Variants in OTOGL observed in about 807,000 individuals in gnomAD.
OTOGL encodes otogelin-like protein.
A neutral mutation model predicts 318.5 loss-of-function variants in OTOGL; 285 were observed. The observed-to-expected ratio is 0.89, with a 90% CI of 0.81 to 0.99. The LOEUF (loss-of-function observed/expected upper bound fraction) is 0.99. Ranked by LOEUF, OTOGL falls within the 50% of genes least tolerant of loss-of-function variation. The probability of loss-of-function intolerance (pLI) is 0.00; values close to 1 mark genes in which losing one functional copy is unlikely to be tolerated. For missense variants in OTOGL, 2,899 were observed against 2,845.6 expected, an observed-to-expected ratio of 1.02 and a Z score of -0.43; for synonymous variants, 987 against 936.5, an observed-to-expected ratio of 1.05 and a Z score of -0.99.
chr12:80,103,086 TC>T, intron 1 of OTOGL: 1 of 1,131,874 alleles, frequency 8.8e-7, no homozygotes, highest in Non-Finnish European at 1.3e-6. Context: ...CTGCACCCAT[TC>T]AATGTAGATA....
intron 26 of OTOGL, among the ~76,000 whole-genome samples, chr12:80,296,223 C>T (rs547972845): frequency 3.3e-4 from 51 of 152,294 alleles, no homozygotes; most frequent in African/African-American, 1.1e-3. Flanking sequence ...ATTAACAAAG[C>T]GACCTTAGAT....
chr12:80,264,145 A>C (rs1343575660), intron 19 of OTOGL, among the ~76,000 whole-genome samples: 2 of 152,152 alleles, frequency 1.3e-5, no homozygotes, highest in Non-Finnish European at 2.9e-5. Context: ...AAGATTGATT[A>C]ATTTTATCTG....
At chr12:80,364,218 C>G (rs1022699794) in intron 52 of OTOGL, among the ~76,000 whole-genome samples, 1 of 152,110 alleles carries the variant, frequency 6.6e-6, no homozygotes, top group African/African-American at 2.4e-5. Flanking sequence ...CTAGTTTTAA[C>G]ATTCGTGGCT....
rs1323469368 is a variant in OTOGL, at chr12:80,328,645, A to G, written c.4200-20A>G. ...TTCAAACTTTTCTTCACTTTGATTT[A>G]CTCTTTTTTCCATGTAAAGGGTTGA... On this transcript the variant is annotated intron_variant, in intron 35 of 58. Coordinates refer to ENST00000547103, the MANE Select transcript of OTOGL (RefSeq NM_001378609.3). 1.3e-6 allele frequency: 2 copies of G among 1,525,412 alleles called. No individual in the cohort carries two copies. Among genetic ancestry groups the G allele is most frequent in the Non-Finnish European group, 1.8e-6 (2 of 1,110,076 alleles). The allele number at this position is 1,525,412 out of a possible 1,614,324, so 94.5% of individuals were successfully genotyped here.
chr12:80,267,474 C>T lies in OTOGL; in HGVS notation c.2465+147C>T, dbSNP rs755309314. 353 of 253,210 alleles carry T rather than the reference C, an allele frequency of 1.4e-3. 5 individuals carry two copies. Among genetic ancestry groups the T allele is most frequent in the Non-Finnish European group, 2.1e-3 (308 of 149,062 alleles). 15.7% of individuals were successfully genotyped at this position (253,210 alleles called of 1,614,324 possible). A position where few individuals can be genotyped will look rare whatever the true frequency, so the allele number is the denominator to read the frequency against. Reference sequence around the variant, plus strand: ...CGTGCAGGTTTGTTACGTATGTATACATGTGTGCCATGTTGGTGTGCTGCA... The same window carrying T: ...CGTGCAGGTTTGTTACGTATGTATATATGTGTGCCATGTTGGTGTGCTGCA... On this transcript the variant is annotated intron_variant, in intron 22 of 58. Transcript: ENST00000547103.
At chr12:80,258,580 C>T (rs373686448) in intron 18 of OTOGL, among the ~76,000 whole-genome samples, 11 of 152,086 alleles carry the variant, frequency 7.2e-5, no homozygotes, top group African/African-American at 1.4e-4. Flanking sequence ...TTTTCACCTA[C>T]GTGTGAAAAG....
At chr12:80,318,753 CATTTTAAA>C (rs1476327856) in intron 33 of OTOGL, 40 bp downstream of exon 33, 1 of 1,172,440 alleles carries the variant, frequency 8.5e-7, no homozygotes, top group East Asian at 3.2e-5. Flanking sequence ...TTTCCAATTA[CATTTTAAA>C]ATTTAGCCAC....
chr12:80,265,439 G>GT, intron 20 of OTOGL: 1 of 532,382 alleles, frequency 1.9e-6, no homozygotes, highest in African/African-American at 1.9e-5. Context: ...CGAAATTATT[G>GT]TAACTATGTT....
intron 11 of OTOGL, among the ~76,000 whole-genome samples, chr12:80,248,780 T>C (rs1881169617): frequency 6.6e-6 from 1 of 150,832 alleles, no homozygotes; most frequent in African/African-American, 2.5e-5. Flanking sequence ...GGTTCCATTC[T>C]CCCCATCACT....
intron 11 of OTOGL, among the ~76,000 whole-genome samples, chr12:80,240,641 CACTAAGAATAT>C (rs1880295978): frequency 6.6e-6 from 1 of 151,982 alleles, no homozygotes; most frequent in Non-Finnish European, 1.5e-5. Flanking sequence ...TCACTGATAT[CACTAAGAATAT>C]TGTGATGTGT....
chr12:80,107,478 G>A (rs1028698223), intron 1 of OTOGL, among the ~76,000 whole-genome samples: 2 of 152,148 alleles, frequency 1.3e-5, no homozygotes, highest in African/African-American at 4.8e-5. Flanking sequence ...CGGAGAAGAG[G>A]AAATGCTTAT....
chr12:80,307,736 G>C (rs1308007497), intron 29 of OTOGL, among the ~76,000 whole-genome samples: 1 of 146,004 alleles, frequency 6.8e-6, no homozygotes, highest in Non-Finnish European at 1.5e-5. Context: ...TGGCCGAGCG[G>C]GGGGCAGACC....
At chr12:80,144,571 A>C (rs1442407356) in intron 1 of OTOGL, among the ~76,000 whole-genome samples, 3 of 151,570 alleles carry the variant, frequency 2.0e-5, no homozygotes, top group Admixed American at 2.0e-4. Context: ...GTATATATCC[A>C]GTAATGGGAT....
At chr12:80,179,915 C>T (rs1268911) in intron 1 of OTOGL, among the ~76,000 whole-genome samples, 151,948 of 152,340 alleles carry the variant, frequency 1, 75,778 homozygotes, top group Middle Eastern at 1. Context: ...CCAAACACTC[C>T]GTGAGAGGAG....
At chr12:80,126,731 G>A (rs1417117412) in intron 1 of OTOGL, among the ~76,000 whole-genome samples, 1 of 152,106 alleles carries the variant, frequency 6.6e-6, no homozygotes, top group East Asian at 1.9e-4. Context: ...CTCTTGTATT[G>A]GGTGCATATA....
At chr12:80,133,112 C>A (rs933959763) in intron 1 of OTOGL, among the ~76,000 whole-genome samples, 1 of 151,504 alleles carries the variant, frequency 6.6e-6, no homozygotes, top group East Asian at 1.9e-4. Context: ...GTTACTTCTT[C>A]TTGTTATCTT....
chr12:80,114,993 A>G lies in OTOGL; in HGVS notation c.-20+15388A>G, dbSNP rs77622968. ...GTCATTTATGTTCTTCTCTAAAGTT[A>G]GTAATTCCTCTAACCTTTTATCAAG... On this transcript the variant is annotated intron_variant, in intron 1 of 58. Transcript: ENST00000547103. 4.8e-3 allele frequency among the ~76,000 whole-genome samples: 722 copies of G among 151,540 alleles called. 4 individuals are homozygous for G. Among genetic ancestry groups the G allele is most frequent in the African/African-American group, 0.017 (688 of 41,404 alleles).
intron 32 of OTOGL, among the ~76,000 whole-genome samples, chr12:80,314,635 A>G (rs1326312842): frequency 6.6e-6 from 1 of 152,190 alleles, no homozygotes; most frequent in Admixed American, 6.5e-5. Flanking sequence ...GATAAAAAGG[A>G]TGAAAGATCT....
In OTOGL at chr12:80,222,296, T is replaced by A. The variant is rs370224797; in HGVS notation, c.489+51T>A. On this transcript the variant is annotated intron_variant, in intron 7 of 58. Coordinates refer to ENST00000547103, the MANE Select transcript of OTOGL (RefSeq NM_001378609.3). ...CTTAAAAATATTATCTCTGGAAAAGTATGTATTTTTAAAGTACTGGGAAAA... is the reference window on the plus strand; with the variant it reads ...CTTAAAAATATTATCTCTGGAAAAGAATGTATTTTTAAAGTACTGGGAAAA... The A allele has an allele frequency of 1.4e-5, 20 of 1,447,298 alleles. No homozygotes were observed. The East Asian group carries it at 4.4e-4, about 32-fold the overall frequency. The allele number at this position is 1,447,298 out of a possible 1,614,324, so 89.7% of individuals were successfully genotyped here. A position where few individuals can be genotyped will look rare whatever the true frequency, so the allele number is the denominator to read the frequency against.
Sources: allele counts gnomAD v4.1 joint callset (sites outside exome capture counted in the v4.1 genomes callset), GRCh38; gene constraint gnomAD v4.1.1; transcripts MANE v1.5; gene names NCBI Gene and HGNC (gene_info 2026-07-23, HGNC 2026-07-21).